Variants in GKAP1 observed in about 807,000 individuals in gnomAD.
GKAP1 encodes G kinase-anchoring protein 1.
Under a neutral mutation model 56.7 loss-of-function variants are expected in GKAP1, and 31 were observed. The ratio of observed to expected loss-of-function variants is 0.55; its 90% CI spans 0.41 to 0.74. The LOEUF is 0.74. Among genes scored for constraint, GKAP1 ranks in the 30% least tolerant of loss-of-function variants. The pLI is 0.00. For synonymous variants in GKAP1, 151 were observed against 138.6 expected (o/e 1.09, Z -0.63); for missense variants, 364 against 402.3 (o/e 0.90, Z 0.82).
At chr9:83,791,487 G>C (rs1944159623) in intron 4 of GKAP1, among the ~76,000 whole-genome samples, 1 of 151,922 alleles carries the variant, frequency 6.6e-6, no homozygotes, top group African/African-American at 2.4e-5. Flanking sequence ...TTGTAGCTCA[G>C]ACTTTAAATC....
intron 10 of GKAP1, among the ~76,000 whole-genome samples, chr9:83,744,315 C>T (rs938009499): frequency 6.6e-6 from 1 of 152,162 alleles, no homozygotes; most frequent in Non-Finnish European, 1.5e-5. Flanking sequence ...ATTTTCAATA[C>T]ACTTATGTAC....
At chr9:83,755,772 GCAAATC>G (rs1260935369) in intron 8 of GKAP1, among the ~76,000 whole-genome samples, 1 of 147,108 alleles carries the variant, frequency 6.8e-6, no homozygotes, top group East Asian at 2.0e-4. Flanking sequence ...TCACTAGTAA[GCAAATC>G]CAGGTTTTAT....
intron 8 of GKAP1, among the ~76,000 whole-genome samples, chr9:83,762,209 G>A (rs1387049007): frequency 1.3e-5 from 2 of 152,008 alleles, no homozygotes; most frequent in East Asian, 3.9e-4. Flanking sequence ...TAAAGTTGCA[G>A]GATACAAAAT....
intron 10 of GKAP1, among the ~76,000 whole-genome samples, chr9:83,744,462 C>G (rs1163265266): frequency 2.0e-5 from 3 of 152,198 alleles, no homozygotes; most frequent in Non-Finnish European, 4.4e-5. Flanking sequence ...CAGTAACACA[C>G]AAGCTATAAC....
At chr9:83,810,891 T>C (rs1454613223) in intron 2 of GKAP1, among the ~76,000 whole-genome samples, 2 of 152,224 alleles carry the variant, frequency 1.3e-5, no homozygotes, top group African/African-American at 4.8e-5. Flanking sequence ...GCCTAACTGG[T>C]ACAGCCTACT....
chr9:83,782,083 C>T (rs1943983073), intron 6 of GKAP1, among the ~76,000 whole-genome samples: 1 of 151,970 alleles, frequency 6.6e-6, no homozygotes, highest in Non-Finnish European at 1.5e-5. Context: ...ACCTCGTGAT[C>T]CGCCCACCTC....
rs1944617465 is a variant in GKAP1, at chr9:83,816,982, G to C, written c.-44+14C>G. ...GGAGGAGGAGCACTATATTCAAAAA[G>C]TAATTCACTATACCTCATTCATGAA... On this transcript the variant is annotated intron_variant, in intron 2 of 12. Transcript: ENST00000376371. 6.6e-6 allele frequency: 1 copy of C among 152,122 alleles called. No individual in the cohort carries two copies. Among genetic ancestry groups the C allele is most frequent in the Admixed American group, 6.5e-5 (1 of 15,280 alleles). 9.4% of individuals were successfully genotyped at this position (152,122 alleles called of 1,614,324 possible).
intron 2 of GKAP1, among the ~76,000 whole-genome samples, chr9:83,816,540 C>G (rs886483394): frequency 4.6e-5 from 7 of 152,212 alleles, no homozygotes; most frequent in African/African-American, 1.7e-4. Flanking sequence ...GAAAAGAAAT[C>G]TAGACTTCTA....
At chr9:83,749,442 G>A (rs1039666937) in intron 9 of GKAP1, among the ~76,000 whole-genome samples, 1 of 152,000 alleles carries the variant, frequency 6.6e-6, no homozygotes, top group African/African-American at 2.4e-5. Context: ...GGCCAGGCTG[G>A]TCTTGAACTC....
intron 8 of GKAP1, among the ~76,000 whole-genome samples, chr9:83,757,935 G>T (rs1189955840): frequency 6.6e-6 from 1 of 152,118 alleles, no homozygotes; most frequent in Non-Finnish European, 1.5e-5. Flanking sequence ...GCTTGGTATG[G>T]AGAGGAAGAT....
chr9:83,794,446 T>C (rs1362658500), intron 4 of GKAP1, among the ~76,000 whole-genome samples: 3 of 152,178 alleles, frequency 2.0e-5, no homozygotes, highest in African/African-American at 7.2e-5. Flanking sequence ...ACACAGTTAA[T>C]GATAAATATT....
intron 7 of GKAP1, among the ~76,000 whole-genome samples, chr9:83,778,972 T>G (rs2131283187): frequency 6.6e-6 from 1 of 152,186 alleles, no homozygotes; most frequent in East Asian, 1.9e-4. Flanking sequence ...TAGGATCTTG[T>G]CAGTTTGCAT....
intron 2 of GKAP1, among the ~76,000 whole-genome samples, chr9:83,808,712 T>A (rs2131326019): frequency 6.6e-6 from 1 of 152,362 alleles, no homozygotes; most frequent in East Asian, 1.9e-4. Context: ...GGACTATTAA[T>A]TGCAAGTGGC....
In GKAP1 at chr9:83,788,756, T is replaced by C. The variant is rs1003997221; in HGVS notation, c.361-78A>G. ...CAAAATAACCATACATATTACTATA[T>C]ACAGAGGAAAAGAAAGCAAATATGT... On this transcript the variant is annotated intron_variant, in intron 4 of 12. Coordinates refer to ENST00000376371, the MANE Select transcript of GKAP1 (RefSeq NM_025211.4). The C allele has an allele frequency of 5.4e-5, 42 of 781,726 alleles. 1 individual carries two copies. The highest frequency in any genetic ancestry group is 8.5e-5 in the Non-Finnish European group (41 of 484,874). The allele number at this position is 781,726 out of a possible 1,614,324, so 48.4% of individuals were successfully genotyped here.
chr9:83,802,494 A>G (rs1168891014), intron 3 of GKAP1, among the ~76,000 whole-genome samples: 1 of 151,880 alleles, frequency 6.6e-6, no homozygotes, highest in African/African-American at 2.4e-5. Flanking sequence ...AAAAAAAAAA[A>G]AAAAAAAGAC....
At chr9:83,765,548 C>T (rs1943648368) in intron 8 of GKAP1, among the ~76,000 whole-genome samples, 1 of 152,328 alleles carries the variant, frequency 6.6e-6, no homozygotes, top group East Asian at 1.9e-4. Flanking sequence ...CAATGCCAGC[C>T]GTGAAAGCAG....
intron 7 of GKAP1, among the ~76,000 whole-genome samples, chr9:83,770,428 G>C (rs966594862): frequency 6.6e-6 from 1 of 152,040 alleles, no homozygotes; most frequent in Non-Finnish European, 1.5e-5. Context: ...AACTGCGTTG[G>C]GACTCTTGTC....
intron 10 of GKAP1, among the ~76,000 whole-genome samples, chr9:83,745,211 A>G (rs1369991050): frequency 1.3e-5 from 2 of 151,918 alleles, no homozygotes; most frequent in East Asian, 1.9e-4. Context: ...TTGTACATAT[A>G]ATTTTTGAGA....
chr9:83,744,771 G>T (rs550954499), intron 10 of GKAP1, among the ~76,000 whole-genome samples: 1 of 152,304 alleles, frequency 6.6e-6, no homozygotes, highest in African/African-American at 2.4e-5. Context: ...ATAAAGAAAA[G>T]AGGTTTAATT....
Sources: allele counts gnomAD v4.1 joint callset (sites outside exome capture counted in the v4.1 genomes callset), GRCh38; gene constraint gnomAD v4.1.1; transcripts MANE v1.5; gene names NCBI Gene and HGNC (gene_info 2026-07-23, HGNC 2026-07-21).